DESI2: variants seen among roughly 807,000 people sequenced by gnomAD.
DESI2 encodes desumoylating isopeptidase 2.
In DESI2, 10 loss-of-function variants were observed where a neutral mutation model predicts 24.1. The observed-to-expected ratio is 0.41, with a 90% CI of 0.26 to 0.70. DESI2 has a LOEUF of 0.70. Among genes scored for constraint, DESI2 ranks in the 30% least tolerant of loss-of-function variants. The pLI, the probability that DESI2 is intolerant of heterozygous loss-of-function variation, is 0.29. For synonymous variants in DESI2, 71 were observed against 87.7 expected, an observed-to-expected ratio of 0.81 and a Z score of 1.06; for missense variants, 122 against 234.9, an observed-to-expected ratio of 0.52 and a Z score of 3.14.
At chr1:244,653,683 C>A in intron 1 of DESI2, 1 of 434,824 alleles carries the variant, frequency 2.3e-6, no homozygotes. Context: ...GCTTCCGTTG[C>A]GTTTCCAACC....
chr1:244,672,203 G>T (rs1433680309), intron 1 of DESI2, among the ~76,000 whole-genome samples: 7 of 152,134 alleles, frequency 4.6e-5, no homozygotes, highest in Admixed American at 4.6e-4. Flanking sequence ...ATCCTAGTGG[G>T]AGGTCTTGGA....
intron 1 of DESI2, among the ~76,000 whole-genome samples, chr1:244,684,368 G>T (rs1474047877): frequency 6.6e-6 from 1 of 152,158 alleles, no homozygotes; most frequent in Admixed American, 6.5e-5. Context: ...CTAGCCACGT[G>T]TACTCCTCTC....
At chr1:244,705,458 C>T in intron 4 of DESI2, 98 bp from the exon 5 acceptor site, 3 of 974,186 alleles carry the variant, frequency 3.1e-6, no homozygotes, top group Non-Finnish European at 4.8e-6. Context: ...CGTGGCTTCT[C>T]TGTACGCCGC....
Position 244,706,220 on chromosome 1 carries a change from A to AAT in DESI2, c.*432_*433insTA. On this transcript the variant is annotated 3_prime_UTR_variant, in exon 5 of 5. Transcript: ENST00000302550. ...TAAATAGGCACACAAAAAGGTACTT[A>AAT]AACAGTTATAGTCACCATCACCTGC... The AAT allele has an allele frequency of 5.5e-6, 1 of 182,076 alleles. No homozygotes were observed. Among genetic ancestry groups the AAT allele is most frequent in the Admixed American group, 5.5e-5 (1 of 18,188 alleles). 11.3% of individuals were successfully genotyped at this position (182,076 alleles called of 1,614,324 possible).
chr1:244,705,654 C>G lies in DESI2; in HGVS notation c.450C>G (p.Leu150=), dbSNP rs1168313151. 6.2e-7 allele frequency: 1 copy of G among 1,614,162 alleles called. No homozygotes were observed. Among genetic ancestry groups the G allele is most frequent in the East Asian group, 2.2e-5 (1 of 44,874 alleles). The change falls in exon 5 of 5, where the codon CTC becomes CTG. Residue 150 remains leucine (L), a synonymous_variant. Coordinates refer to ENST00000302550, the MANE Select transcript of DESI2 (RefSeq NM_016076.5). ...FLQSCLPKEW[L]TPAALQSSVS... is the part of the protein sequence containing the mutation. ...AGAGTTGCCTCCCGAAGGAGTGGCT[C>G]ACGCCCGCAGCCCTGCAGTCTAGTG...
At chr1:244,700,005 T>C (rs1307547980) in intron 4 of DESI2, among the ~76,000 whole-genome samples, 1 of 152,224 alleles carries the variant, frequency 6.6e-6, no homozygotes, top group Non-Finnish European at 1.5e-5. Flanking sequence ...CCTGATGTCA[T>C]GGACCAACAT....
intron 1 of DESI2, among the ~76,000 whole-genome samples, chr1:244,673,409 A>G (rs2173987): frequency 0.22 from 34,109 of 152,260 alleles, 3,881 homozygotes; most frequent in South Asian, 0.3. Flanking sequence ...TACTGTTCAT[A>G]TGTGAAGTGG....
At chr1:244,692,069 C>T (rs756087812) in intron 4 of DESI2, 49 bp downstream of exon 4, 2 of 1,472,202 alleles carry the variant, frequency 1.4e-6, no homozygotes, top group Non-Finnish European at 9.2e-7. Context: ...ATTTGCTATC[C>T]CACTATACTT....
chr1:244,698,446 CA>C (rs1346937184), intron 4 of DESI2, among the ~76,000 whole-genome samples: 1 of 152,142 alleles, frequency 6.6e-6, no homozygotes, highest in Non-Finnish European at 1.5e-5. Flanking sequence ...GCCTGATGTG[CA>C]TAATTTTGAG....
rs1677686370 is a variant in DESI2 at position 244,706,013 on chromosome 1, T to G, written c.*224T>G. The stretch of plus-strand genomic sequence containing the variant: ...GCCCTCTGTTTTTTTTATCCACTCG[T>G]AAATCTGGATTTATTTCTTCTGTTT... On this transcript the variant is annotated 3_prime_UTR_variant, in exon 5 of 5. Coordinates refer to ENST00000302550, the MANE Select transcript of DESI2 (RefSeq NM_016076.5). The G allele has an allele frequency of 1.9e-6, 1 of 529,262 alleles. No individual in the cohort carries two copies. Among genetic ancestry groups the G allele is most frequent in the African/African-American group, 1.9e-5 (1 of 52,524 alleles). The allele number at this position is 529,262 out of a possible 1,614,324, so 32.8% of individuals were successfully genotyped here.
chr1:244,669,330 A>T (rs1676156763), intron 1 of DESI2, among the ~76,000 whole-genome samples: 1 of 151,848 alleles, frequency 6.6e-6, no homozygotes, highest in East Asian at 1.9e-4. Context: ...TGTACATTTT[A>T]CTTTCTTCTT....
intron 4 of DESI2, among the ~76,000 whole-genome samples, chr1:244,692,888 C>A (rs762908954): frequency 1.3e-5 from 2 of 152,170 alleles, no homozygotes; most frequent in African/African-American, 2.4e-5. Flanking sequence ...GAATGCAAAT[C>A]TTCACTTTAA....
chr1:244,686,538 C>T (rs1676829946), intron 1 of DESI2, 59 bp from the exon 2 acceptor site: 8 of 1,054,508 alleles, frequency 7.6e-6, no homozygotes, highest in East Asian at 2.4e-5. Flanking sequence ...ACTTCTGTAG[C>T]GCGGAGTTGG....
intron 3 of DESI2, among the ~76,000 whole-genome samples, chr1:244,690,073 ATTT>A (rs529271346): frequency 1.3e-5 from 2 of 152,144 alleles, no homozygotes; most frequent in East Asian, 3.9e-4. Context: ...TGAGAATATA[ATTT>A]TTTTTATTTA....
chr1:244,670,360 A>C (rs1676205300), intron 1 of DESI2, among the ~76,000 whole-genome samples: 1 of 152,212 alleles, frequency 6.6e-6, no homozygotes, highest in Non-Finnish European at 1.5e-5. Flanking sequence ...ATTTGACATC[A>C]ACTCCCAAAA....
intron 1 of DESI2, among the ~76,000 whole-genome samples, chr1:244,676,140 G>A (rs964123564): frequency 4.0e-5 from 6 of 151,396 alleles, no homozygotes; most frequent in Non-Finnish European, 7.4e-5. Flanking sequence ...GCAGTGGCGC[G>A]ATCTCAGCTC....
rs185745065 is a variant in DESI2, at chr1:244,658,958, C to T, written c.42+5603C>T. 1.6e-3 allele frequency among the ~76,000 whole-genome samples: 249 copies of T among 151,550 alleles called. 1 individual carries two copies. Among genetic ancestry groups the T allele is most frequent in the Middle Eastern group, 0.014 (4 of 292 alleles). On this transcript the variant is annotated intron_variant, in intron 1 of 4. Coordinates refer to ENST00000302550, the MANE Select transcript of DESI2 (RefSeq NM_016076.5). ...ATTACTCTTTGGAAGATAATCTTTC[C>T]GAAAACATTGTCAGTTCCTGAATTT...
rs557895535 is a variant in DESI2 at position 244,685,037 on chromosome 1, G to C, written c.43-1560G>C. Among the ~76,000 whole-genome samples the C allele has an allele frequency of 6.6e-5, 10 of 152,192 alleles. No individual in the cohort carries two copies. The East Asian group carries it at 1.5e-3, about 23-fold the overall frequency. On this transcript the variant is annotated intron_variant, in intron 1 of 4. Transcript: ENST00000302550. The stretch of plus-strand genomic sequence containing the variant: ...CAAAATCAGGAACTCAAAAAATTCC[G>C]ATCAAGAGGGATACTTATATTCTCA...
At chr1:244,654,263 T>A (rs540449931) in intron 1 of DESI2, among the ~76,000 whole-genome samples, 1 of 152,348 alleles carries the variant, frequency 6.6e-6, no homozygotes, top group South Asian at 2.1e-4. Flanking sequence ...TTCTGTAGAC[T>A]GGATTAGTAC....
Sources: allele counts gnomAD v4.1 joint callset (sites outside exome capture counted in the v4.1 genomes callset), GRCh38; gene constraint gnomAD v4.1.1; transcripts MANE v1.5; gene names NCBI Gene and HGNC (gene_info 2026-07-23, HGNC 2026-07-21).